The following ACER3 variants were observed in gnomAD, a reference collection of about 807,000 sequenced individuals.
ACER3 encodes the protein alkaline ceramidase 3, also known as alkCDase 3.
Under a neutral mutation model 48.9 loss-of-function variants are expected in ACER3, and 16 were observed. The observed-to-expected ratio is 0.33, with a 90% CI of 0.22 to 0.50. ACER3 has a LOEUF of 0.50. Ranked by LOEUF, ACER3 falls within the 20% of genes least tolerant of loss-of-function variation. The probability of loss-of-function intolerance (pLI) is 0.98; values close to 1 mark genes in which losing one functional copy is unlikely to be tolerated. For missense variants in ACER3, 227 were observed against 326.0 expected (o/e 0.70, Z 2.34); for synonymous variants, 109 against 107.8 (o/e 1.01, Z -0.07).
intron 1 of ACER3, among the ~76,000 whole-genome samples, chr11:76,898,648 T>C (rs1388296943): frequency 2.0e-5 from 3 of 152,120 alleles, no homozygotes; most frequent in Non-Finnish European, 4.4e-5. Flanking sequence ...CTCACGCCTG[T>C]AATCCCAGCA....
At chr11:76,959,527 T>G (rs544399376) in intron 3 of ACER3, among the ~76,000 whole-genome samples, 118 of 151,096 alleles carry the variant, frequency 7.8e-4, no homozygotes, top group African/African-American at 2.8e-3. Context: ...CATTATAAGG[T>G]TTTTTTTTGC....
chr11:76,955,816 A>G (rs1307601794), intron 2 of ACER3, among the ~76,000 whole-genome samples: 1 of 152,242 alleles, frequency 6.6e-6, no homozygotes, highest in Non-Finnish European at 1.5e-5. Flanking sequence ...TGATGAATGG[A>G]TAAGTAAAAT....
At chr11:76,882,665 T>G (rs1945559037) in intron 1 of ACER3, among the ~76,000 whole-genome samples, 2 of 152,250 alleles carry the variant, frequency 1.3e-5, no homozygotes, top group Non-Finnish European at 1.5e-5. Context: ...ACCATTTTCC[T>G]GGTTCTTCAT....
intron 7 of ACER3, among the ~76,000 whole-genome samples, chr11:77,005,002 G>T (rs114750427): frequency 0.013 from 1,864 of 148,512 alleles, 49 homozygotes; most frequent in African/African-American, 0.044. Flanking sequence ...GCTTTTATAT[G>T]CTTTTTCCTG....
intron 6 of ACER3, among the ~76,000 whole-genome samples, chr11:76,995,358 G>T (rs1948890284): frequency 1.3e-5 from 2 of 152,154 alleles, no homozygotes; most frequent in Non-Finnish European, 2.9e-5. Context: ...CTGCTTAAAT[G>T]TTAACTTAGC....
intron 7 of ACER3, among the ~76,000 whole-genome samples, chr11:77,010,363 T>A (rs1191164830): frequency 1.3e-5 from 2 of 150,404 alleles, no homozygotes; most frequent in African/African-American, 4.9e-5. Flanking sequence ...TTTTTAAAAA[T>A]TATAAAATGA....
chr11:76,940,722 T>A (rs746100991), intron 2 of ACER3, among the ~76,000 whole-genome samples: 2 of 152,218 alleles, frequency 1.3e-5, no homozygotes, highest in Admixed American at 6.5e-5. Context: ...TGGATTGCAC[T>A]TATATCACTG....
At chr11:76,959,081 A>G (rs1947917186) in intron 3 of ACER3, 50 bp downstream of exon 3, 1 of 1,612,588 alleles carries the variant, frequency 6.2e-7, no homozygotes, top group Non-Finnish European at 8.5e-7. Flanking sequence ...ATTCAGAAGT[A>G]CTTCAGATTT....
At chr11:76,943,716 G>T (rs924891658) in intron 2 of ACER3, among the ~76,000 whole-genome samples, 2 of 149,520 alleles carry the variant, frequency 1.3e-5, no homozygotes, top group African/African-American at 5.0e-5. Context: ...TTATCTTGAT[G>T]ATCTATCTAG....
At chr11:77,005,663 T>C (rs1399490463) in intron 7 of ACER3, among the ~76,000 whole-genome samples, 1 of 151,954 alleles carries the variant, frequency 6.6e-6, no homozygotes, top group Admixed American at 6.6e-5. Context: ...TATAGCTGCA[T>C]CAGTCCAGTC....
intron 3 of ACER3, among the ~76,000 whole-genome samples, chr11:76,964,468 G>T (rs1162281025): frequency 6.6e-6 from 1 of 151,218 alleles, no homozygotes; most frequent in Non-Finnish European, 1.5e-5. Flanking sequence ...GAGAGTAGTG[G>T]TTCTCCCAGC....
At chr11:76,914,314 A>G (rs972302557) in intron 1 of ACER3, among the ~76,000 whole-genome samples, 53 of 152,334 alleles carry the variant, frequency 3.5e-4, no homozygotes, top group African/African-American at 1.1e-3. Flanking sequence ...TAAAGGGCTA[A>G]TATCCAGAAT....
At chr11:76,875,716 A>C (rs1424050480) in intron 1 of ACER3, among the ~76,000 whole-genome samples, 7 of 147,688 alleles carry the variant, frequency 4.7e-5, no homozygotes, top group African/African-American at 1.7e-4. Flanking sequence ...ATTCAATGTA[A>C]TACACAGTTT....
chr11:76,917,462 C>G (rs1490655904), intron 1 of ACER3, among the ~76,000 whole-genome samples: 2 of 151,570 alleles, frequency 1.3e-5, no homozygotes, highest in Non-Finnish European at 2.9e-5. Context: ...GCCTGTAATC[C>G]CAGCACTTTG....
At chr11:76,903,670 A>C (rs1590907323) in intron 1 of ACER3, among the ~76,000 whole-genome samples, 1 of 151,670 alleles carries the variant, frequency 6.6e-6, no homozygotes, top group East Asian at 1.9e-4. Context: ...AAGATACCCA[A>C]CTCCAACCTG....
intron 3 of ACER3, among the ~76,000 whole-genome samples, chr11:76,971,482 G>T (rs571901222): frequency 1.3e-5 from 2 of 152,010 alleles, no homozygotes; most frequent in Non-Finnish European, 2.9e-5. Flanking sequence ...AGAGGTTGCA[G>T]TGAGCCAAGA....
chr11:76,923,023 G>C (rs1014382981), intron 1 of ACER3, among the ~76,000 whole-genome samples: 2 of 151,258 alleles, frequency 1.3e-5, no homozygotes, highest in Non-Finnish European at 2.9e-5. Context: ...TTTTATCAAA[G>C]CAATATATAA....
chr11:77,020,104 T>C (rs1255630697), intron 10 of ACER3, among the ~76,000 whole-genome samples, 170 bp from the exon 11 acceptor site: 1 of 152,198 alleles, frequency 6.6e-6, no homozygotes, highest in African/African-American at 2.4e-5. Context: ...CTCTCTGATA[T>C]CTGGTCCAAG....
intron 7 of ACER3, among the ~76,000 whole-genome samples, chr11:77,003,658 T>C (rs551285311): frequency 6.6e-6 from 1 of 152,320 alleles, no homozygotes; most frequent in Non-Finnish European, 1.5e-5. Flanking sequence ...TTTCAGACTT[T>C]CCTATTTCCT....
Sources: allele counts gnomAD v4.1 joint callset (sites outside exome capture counted in the v4.1 genomes callset), GRCh38; gene constraint gnomAD v4.1.1; transcripts MANE v1.5; gene names NCBI Gene and HGNC (gene_info 2026-07-23, HGNC 2026-07-21).